ADAMTSL2: variants seen among roughly 807,000 people sequenced by gnomAD.
ADAMTSL2 encodes ADAMTS-like protein 2.
ADAMTSL2 carries 55 observed loss-of-function variants against 117.0 expected under a neutral mutation model. The ratio of observed to expected loss-of-function variants is 0.47; its 90% CI spans 0.38 to 0.59. The LOEUF (loss-of-function observed/expected upper bound fraction) is 0.59. Among genes scored for constraint, ADAMTSL2 ranks in the 20% least tolerant of loss-of-function variants. The pLI, the probability that ADAMTSL2 is intolerant of heterozygous loss-of-function variation, is 0.00. For synonymous variants in ADAMTSL2, 572 were observed against 566.4 expected (o/e 1.01, Z -0.14); for missense variants, 1,182 against 1,354.5 (o/e 0.87, Z 2.00).
intron 12 of ADAMTSL2, among the ~76,000 whole-genome samples, chr9:133,563,555 G>A (rs1178929413): frequency 3.9e-5 from 6 of 152,136 alleles, no homozygotes; most frequent in Admixed American, 1.3e-4. Context: ...AGGCAGCCTC[G>A]CTGGCAAGGG....
chr9:133,534,935 C>G lies in ADAMTSL2; in HGVS notation c.-151+18C>G. ...GAAGCCAGGTAGGCCACCTCGTCCC[C>G]GTCCCCCTCACGTTGCAGCGTCCAC... is the stretch of plus-strand genomic sequence containing the variant. On this transcript the variant is annotated intron_variant, in intron 1 of 18. Transcript: ENST00000651351. 7.3e-7 allele frequency: 1 copy of G among 1,379,194 alleles called. No homozygotes were observed. Among genetic ancestry groups the G allele is most frequent in the Non-Finnish European group, 9.4e-7 (1 of 1,061,474 alleles). The allele number at this position is 1,379,194 out of a possible 1,614,324, so 85.4% of individuals were successfully genotyped here. A position where few individuals can be genotyped will look rare whatever the true frequency, so the allele number is the denominator to read the frequency against.
chr9:133,569,095 C>A lies in ADAMTSL2; in HGVS notation c.2245-313C>A, dbSNP rs1282325529. Among the ~76,000 whole-genome samples, 12 of 152,140 alleles carry A rather than the reference C, an allele frequency of 7.9e-5. No individual in the cohort carries two copies. The East Asian group carries it at 1.4e-3, about 17-fold the overall frequency. On this transcript the variant is annotated intron_variant, in intron 15 of 18. Coordinates refer to ENST00000651351, the MANE Select transcript of ADAMTSL2 (RefSeq NM_014694.4). ...TGTCTGTCTCCCCATCTCTGTCTCT[C>A]TGTGTCTGTCTTTGTCTCTTTCCCT...
upstream of ADAMTSL2, among the ~76,000 whole-genome samples, chr9:133,534,050 AG>A (rs1019580795): frequency 7.2e-4 from 109 of 152,172 alleles, no homozygotes; most frequent in Non-Finnish European, 5.0e-4. Context: ...CTGGCCTGCC[AG>A]GGGCTGCCAA....
chr9:133,556,916 T>A (rs1830615979), intron 11 of ADAMTSL2, among the ~76,000 whole-genome samples: 1 of 152,144 alleles, frequency 6.6e-6, no homozygotes, highest in African/African-American at 2.4e-5. Flanking sequence ...CCACAGTTTC[T>A]CCCAGCAACT....
intron 4 of ADAMTSL2, among the ~76,000 whole-genome samples, 199 bp from the exon 5 acceptor site, chr9:133,539,572 T>TC (rs1435508766): frequency 2.7e-5 from 4 of 146,186 alleles, no homozygotes; most frequent in Non-Finnish European, 6.2e-5. Context: ...AGCTGCCCTT[T>TC]CCTGCGTCCT....
intron 9 of ADAMTSL2, among the ~76,000 whole-genome samples, chr9:133,553,013 C>T (rs1244344293): frequency 5.9e-5 from 9 of 152,146 alleles, no homozygotes; most frequent in African/African-American, 9.7e-5. Context: ...CCTGACTGGG[C>T]GAGAATGTGA....
At chr9:133,560,564 G>T (rs922506655) in intron 11 of ADAMTSL2, among the ~76,000 whole-genome samples, 42 of 152,390 alleles carry the variant, frequency 2.8e-4, no homozygotes, top group African/African-American at 9.6e-4. Flanking sequence ...CTCCAGCCAA[G>T]AATCATAGCT....
chr9:133,539,643 T>C (rs1057037430), intron 4 of ADAMTSL2, 128 bp from the exon 5 acceptor site: 72 of 77,780 alleles, frequency 9.3e-4, no homozygotes, highest in Middle Eastern at 7.8e-3. Flanking sequence ...CCGTGGGCCG[T>C]GGCCCCCGCA....
At chr9:133,564,625 GGAGAGA>G (rs377193081) in intron 12 of ADAMTSL2, among the ~76,000 whole-genome samples, 9 of 20,658 alleles carry the variant, frequency 4.4e-4, no homozygotes, top group African/African-American at 7.9e-4. Flanking sequence ...AGAGAGAGAG[GGAGAGA>G]GAGAGAGAGG....
At chr9:133,544,672 T>C (rs917151945) in intron 8 of ADAMTSL2, 122 bp downstream of exon 8, 19 of 884,558 alleles carry the variant, frequency 2.1e-5, no homozygotes, top group Non-Finnish European at 3.2e-5. Context: ...ACCAGTGCTG[T>C]GGGCATGGCT....
At chr9:133,571,846 C>A (rs972790742) in intron 17 of ADAMTSL2, among the ~76,000 whole-genome samples, 1 of 152,174 alleles carries the variant, frequency 6.6e-6, no homozygotes, top group Non-Finnish European at 1.5e-5. Context: ...TACCTCTGCC[C>A]TCAGTTTCCT....
Position 133,564,094 on chromosome 9 carries a change from GA to G in ADAMTSL2, c.1747+2800del, listed in dbSNP as rs1346780844. 2.0e-4 allele frequency among the ~76,000 whole-genome samples: 9 copies of G among 44,434 alleles called. 1 individual carries two copies. Among genetic ancestry groups the G allele is most frequent in the Admixed American group, 3.7e-4 (2 of 5,404 alleles). The allele number at this position is 44,434 out of a possible 152,430, so 29.2% of individuals were successfully genotyped here. A position where few individuals can be genotyped will look rare whatever the true frequency, so the allele number is the denominator to read the frequency against. On this transcript the variant is annotated intron_variant, in intron 12 of 18. Coordinates refer to ENST00000651351, the MANE Select transcript of ADAMTSL2 (RefSeq NM_014694.4). ...AGAGAAAGGGAGAGAGAGAGAGAGG[GA>G]GAGAGAGAGAGAGAGAAAAAGGGGG...
chr9:133,563,952 A>G (rs1588302537), intron 12 of ADAMTSL2, among the ~76,000 whole-genome samples: 1 of 22,618 alleles, frequency 4.4e-5, no homozygotes. Flanking sequence ...AGAGAGAGAG[A>G]GAGAGGGAGA....
chr9:133,561,848 C>T (rs928304137), intron 12 of ADAMTSL2, among the ~76,000 whole-genome samples: 9 of 152,150 alleles, frequency 5.9e-5, no homozygotes, highest in East Asian at 1.9e-4. Context: ...TCTGGTTGCA[C>T]GGCCACCATC....
intron 9 of ADAMTSL2, among the ~76,000 whole-genome samples, chr9:133,552,717 A>T (rs1830515177): frequency 6.6e-6 from 1 of 152,190 alleles, no homozygotes; most frequent in South Asian, 2.1e-4. Flanking sequence ...TGGAGGGTGC[A>T]GCACCCATCC....
chr9:133,570,349 C>T lies in ADAMTSL2; in HGVS notation c.2434C>T (p.Arg812Cys). ...GCCTCAGTGCAACACCACCTGCGGG[C>T]GCGGGGTCAAGAAGCGGCTGGTGCT... ...DWERCNTTCG[R>C]GVKKRLVLCM... is the part of the protein sequence containing the mutation. The change falls in exon 17 of 19, where the codon CGC (arginine) becomes TGC (cysteine). Residue 812 changes from arginine (R) to cysteine (C), a missense_variant. Physicochemically the swap from Arg to Cys is radical, Grantham distance 180 (BLOSUM62 -3). Transcript: ENST00000651351. The T allele has an allele frequency of 6.5e-7, 1 of 1,547,796 alleles. No individual in the cohort carries two copies. Among genetic ancestry groups the T allele is most frequent in the Non-Finnish European group, 8.7e-7 (1 of 1,147,566 alleles).
At chr9:133,545,288 G>A (rs1296490184) in intron 8 of ADAMTSL2, among the ~76,000 whole-genome samples, 4 of 152,130 alleles carry the variant, frequency 2.6e-5, no homozygotes, top group East Asian at 1.9e-4. Flanking sequence ...GTATAGGGAC[G>A]CTGTTCTTGG....
chr9:133,559,352 T>A (rs1345313274), intron 11 of ADAMTSL2, among the ~76,000 whole-genome samples: 4 of 80,020 alleles, frequency 5.0e-5, no homozygotes, highest in East Asian at 2.7e-4. Context: ...CCCACCCCCA[T>A]TTTTTTTTTT....
intron 4 of ADAMTSL2, among the ~76,000 whole-genome samples, chr9:133,539,263 C>A (rs948290045): frequency 6.6e-6 from 1 of 152,208 alleles, no homozygotes; most frequent in Non-Finnish European, 1.5e-5. Flanking sequence ...CTGGCCCCGG[C>A]ACGACTAAGC....
Sources: gnomAD v4.1 joint callset for allele counts (sites outside exome capture counted in the v4.1 genomes callset) on GRCh38, gnomAD v4.1.1 for gene constraint, MANE v1.5 for transcripts, NCBI Gene and HGNC (gene_info 2026-07-23, HGNC 2026-07-21) for gene names.